SAMMSON: variants seen among roughly 807,000 people sequenced by gnomAD.
SAMMSON encodes the protein survival associated mitochondrial melanoma specific oncogenic non-coding RNA, also known as long intergenic non-protein coding RNA 1212.
chr3:70,241,272 A>G (rs981230156), intron 4 of SAMMSON, among the ~76,000 whole-genome samples: 1 of 152,210 alleles, frequency 6.6e-6, no homozygotes, highest in Non-Finnish European at 1.5e-5. Flanking sequence ...GGAGGCAAAC[A>G]TAAAATCAAA....
Position 70,007,360 on chromosome 3 carries a change from T to C in SAMMSON, n.23-4997T>C, listed in dbSNP as rs912892885. Among the ~76,000 whole-genome samples the C allele has an allele frequency of 1.7e-4, 26 of 152,228 alleles. 1 individual carries two copies. The highest frequency in any genetic ancestry group is 2.5e-4 in the Non-Finnish European group (17 of 68,044). On this transcript the variant is annotated intron_variant and non_coding_transcript_variant, in intron 1 of 9. Transcript: ENST00000642114. ...CCATTCTAACTGGTGTGAGATGGAA[T>C]CTCACTGTGGTTTTGATTTGCATTT... is the stretch of plus-strand genomic sequence containing the variant.
chr3:70,172,175 A>C (rs540815518), intron 4 of SAMMSON: 13 of 151,960 alleles, frequency 8.6e-5, no homozygotes, highest in Admixed American at 8.5e-4. Flanking sequence ...GCCTTTATTC[A>C]ATTGGTAACC....
intron 4 of SAMMSON, among the ~76,000 whole-genome samples, chr3:70,082,434 A>G (rs553775765): frequency 1.3e-5 from 2 of 152,304 alleles, no homozygotes; most frequent in South Asian, 4.2e-4. Flanking sequence ...TTAATCTGAG[A>G]ATGGAAGGTT....
chr3:70,305,335 T>A (rs578228698), intron 7 of SAMMSON, among the ~76,000 whole-genome samples: 8 of 152,328 alleles, frequency 5.3e-5, no homozygotes, highest in South Asian at 4.1e-4. Flanking sequence ...TAATGAAAAC[T>A]ACAGAAATAA....
chr3:70,070,027 T>A (rs1054513287), intron 3 of SAMMSON: 1 of 152,094 alleles, frequency 6.6e-6, no homozygotes, highest in Non-Finnish European at 1.5e-5. Context: ...CTCTATAAGT[T>A]ATAGATCTGA....
At chr3:70,221,077 G>T (rs1283635040) in intron 4 of SAMMSON, among the ~76,000 whole-genome samples, 1 of 152,110 alleles carries the variant, frequency 6.6e-6, no homozygotes, top group African/African-American at 2.4e-5. Context: ...ACTAGCACTG[G>T]TGAAATATTT....
At chr3:70,116,027 A>G (rs932321621) in intron 4 of SAMMSON, among the ~76,000 whole-genome samples, 1 of 152,100 alleles carries the variant, frequency 6.6e-6, no homozygotes, top group African/African-American at 2.4e-5. Context: ...AGAATTCTAC[A>G]TGTAAAGTCT....
chr3:70,084,845 A>G (rs1234801337), intron 4 of SAMMSON: 1 of 152,222 alleles, frequency 6.6e-6, no homozygotes, highest in African/African-American at 2.4e-5. Context: ...TGCCACTAGT[A>G]TCCCCAATTT....
intron 4 of SAMMSON, among the ~76,000 whole-genome samples, chr3:70,208,376 A>G (rs1282010962): frequency 6.6e-6 from 1 of 151,988 alleles, no homozygotes; most frequent in African/African-American, 2.4e-5. Context: ...GTCCATCTTT[A>G]TTTCCCTTTC....
chr3:70,358,008 G>A (rs1020965459), intron 8 of SAMMSON, among the ~76,000 whole-genome samples: 1 of 152,088 alleles, frequency 6.6e-6, no homozygotes, highest in Non-Finnish European at 1.5e-5. Context: ...AGAAGGTCTG[G>A]TGTATCTGTG....
intron 4 of SAMMSON, chr3:70,072,071 A>T (rs1284594803): frequency 6.6e-6 from 1 of 151,836 alleles, no homozygotes; most frequent in African/African-American, 2.4e-5. Context: ...AAAACTTTCA[A>T]AGGTACTCTC....
At chr3:70,142,297 A>G (rs532002288) in intron 4 of SAMMSON, among the ~76,000 whole-genome samples, 3 of 152,304 alleles carry the variant, frequency 2.0e-5, no homozygotes, top group South Asian at 4.1e-4. Context: ...CCATCAATCA[A>G]CAAGTGGATA....
chr3:70,340,158 T>C (rs553439089), intron 7 of SAMMSON, among the ~76,000 whole-genome samples: 49 of 148,288 alleles, frequency 3.3e-4, no homozygotes, highest in African/African-American at 1.2e-3. Context: ...AACCAAACAC[T>C]GCATATTCTC....
chr3:70,182,890 AG>A (rs1325347595), intron 4 of SAMMSON, among the ~76,000 whole-genome samples: 1 of 129,556 alleles, frequency 7.7e-6, no homozygotes, highest in Admixed American at 8.4e-5. Context: ...ATAATTTCAA[AG>A]GACTAATGAC....
chr3:70,034,101 G>T lies in SAMMSON; in HGVS notation n.417+20429G>T, dbSNP rs2067075830. On this transcript the variant is annotated intron_variant and non_coding_transcript_variant, in intron 3 of 9. Coordinates refer to ENST00000642114, the Ensembl canonical transcript of SAMMSON. ...TGTACTGGATACCATGGAATTAGAT[G>T]AAATTGCCTGAGAATAAATGGTGAA... Among the ~76,000 whole-genome samples, 3 of 152,236 alleles carry T rather than the reference G, an allele frequency of 2.0e-5. No individual in the cohort carries two copies. The South Asian group carries it at 6.2e-4, about 32-fold the overall frequency.
rs552860084 is a variant in SAMMSON at position 70,252,556 on chromosome 3, A to G, written n.674+2886A>G. 4.6e-5 allele frequency among the ~76,000 whole-genome samples: 7 copies of G among 152,304 alleles called. No individual in the cohort carries two copies. In the East Asian group the frequency reaches 1.4e-3, roughly 29 times the overall value. On this transcript the variant is annotated intron_variant and non_coding_transcript_variant, in intron 6 of 9. Transcript: ENST00000642114. ...AGCTAAGTGAGGCTAGGCAAACAAT[A>G]TAAATCAATAAAGTGGGCCAGATAA...
chr3:70,245,102 A>G (rs1701694294), intron 4 of SAMMSON, among the ~76,000 whole-genome samples: 1 of 152,178 alleles, frequency 6.6e-6, no homozygotes, highest in Non-Finnish European at 1.5e-5. Flanking sequence ...CTAGAAACCT[A>G]AGCTCATTTC....
intron 3 of SAMMSON, among the ~76,000 whole-genome samples, chr3:70,017,662 A>G (rs993785894): frequency 3.3e-5 from 5 of 152,132 alleles, no homozygotes; most frequent in Non-Finnish European, 7.4e-5. Context: ...GTCTTGTGCC[A>G]GTTTTCAAAG....
chr3:70,128,644 G>A (rs907721583), intron 4 of SAMMSON, among the ~76,000 whole-genome samples: 17 of 152,052 alleles, frequency 1.1e-4, no homozygotes. Flanking sequence ...TTATTTGAAA[G>A]GTTGCCCTTT....
Sources: gnomAD v4.1 joint callset for allele counts (sites outside exome capture counted in the v4.1 genomes callset) on GRCh38, gnomAD v4.1.1 for gene constraint, MANE v1.5 for transcripts, NCBI Gene and HGNC (gene_info 2026-07-23, HGNC 2026-07-21) for gene names.